PCYT2: variants seen among roughly 807,000 people sequenced by gnomAD.
PCYT2 encodes phosphate cytidylyltransferase 2, ethanolamine, also known as ethanolamine-phosphate cytidylyltransferase.
Under a neutral mutation model 50.0 loss-of-function variants are expected in PCYT2, and 33 were observed. The ratio of observed to expected loss-of-function variants is 0.66; its 90% CI spans 0.50 to 0.88. The LOEUF (loss-of-function observed/expected upper bound fraction) is 0.88, where lower values mean the gene tolerates loss of function less well. PCYT2 is among the 40% of genes least tolerant of loss of function. The pLI is 0.00. For synonymous variants in PCYT2, 240 were observed against 203.7 expected (o/e 1.18, Z -1.52); for missense variants, 430 against 519.7 (o/e 0.83, Z 1.68).
chr17:81,908,766 C>G (rs973852669), intron 3 of PCYT2, 110 bp downstream of exon 3: 6 of 1,348,852 alleles, frequency 4.4e-6, no homozygotes, highest in East Asian at 2.3e-5. Flanking sequence ...CCGGAAATGT[C>G]TCAGATCCTC....
chr17:81,907,589 A>G lies in PCYT2; in HGVS notation c.502T>C (p.Ser168Pro). The G allele has an allele frequency of 6.2e-7, 1 of 1,612,022 alleles. No individual in the cohort carries two copies. Among genetic ancestry groups the G allele is most frequent in the South Asian group, 1.1e-5 (1 of 90,778 alleles). Residue 168 changes from serine to proline, a missense_variant, in exon 6 of 13, where the codon TCT (serine) becomes CCT (proline). Physicochemically the swap from Ser to Pro is moderately conservative, Grantham distance 74 (BLOSUM62 -1). This residue lies in a region of PCYT2 where 248 missense variants were observed against 300.2 expected (regional missense o/e 0.83). Transcript: ENST00000538936. ...KAHHSSQEMS[S>P]EYREYADSFG... ...CTGTCTGCATACTCCCGGTACTCAG[A>G]GGACATCTCCTGCACAGAAGGTCAG...
rs766308325 is a variant in PCYT2, at chr17:81,906,815, C to T, written c.621G>A (p.Lys207=). The change falls in exon 7 of 13, where the codon AAG becomes AAA. Residue 207 remains lysine, a synonymous_variant. Coordinates refer to ENST00000538936, the MANE Select transcript of PCYT2 (RefSeq NM_002861.5). ...TGACTGTCTCCCCTGGCTGGGGCTC[C>T]TTCCCAGAAGCAAACTGGATGATCT... The part of the protein sequence containing the change: ...SQKIIQFASG[K]EPQPGETVIY... The T allele has an allele frequency of 1.9e-6, 3 of 1,613,528 alleles. No individual in the cohort carries two copies. Among genetic ancestry groups the T allele is most frequent in the Non-Finnish European group, 2.5e-6 (3 of 1,179,982 alleles).
rs375092431 is a variant in PCYT2 at position 81,904,992 on chromosome 17, C to T, written c.1059-48G>A. The T allele has an allele frequency of 1.5e-4, 237 of 1,590,404 alleles. 1 individual carries two copies. Among genetic ancestry groups the T allele is most frequent in the Non-Finnish European group, 1.9e-4 (219 of 1,163,904 alleles). On this transcript the variant is annotated intron_variant, in intron 12 of 12. Coordinates refer to ENST00000538936, the MANE Select transcript of PCYT2 (RefSeq NM_002861.5). ...GCAGAGAGCGCCCATGAGGCGGCTC[C>T]GAGGGGGAGGGCACGGTAAGTCTAG...
intron 5 of PCYT2, 38 bp from the exon 6 acceptor site, chr17:81,907,636 C>T: frequency 6.2e-7 from 1 of 1,608,100 alleles, no homozygotes; most frequent in Non-Finnish European, 8.5e-7. Context: ...GGGGCCTGCC[C>T]TCCCGGCGTG....
chr17:81,908,202 G>C (rs574729285), intron 4 of PCYT2, among the ~76,000 whole-genome samples: 1 of 152,320 alleles, frequency 6.6e-6, no homozygotes, highest in East Asian at 1.9e-4. Context: ...CTGCAGCTGA[G>C]TGAATTCTCA....
chr17:81,909,061 C>A, intron 2 of PCYT2, 24 bp from the exon 3 acceptor site: 1 of 1,604,278 alleles, frequency 6.2e-7, no homozygotes, highest in Non-Finnish European at 8.5e-7. Flanking sequence ...AACGGGGAGA[C>A]TGGGGACCCC....
chr17:81,907,299 C>G, intron 6 of PCYT2: 2 of 1,485,542 alleles, frequency 1.3e-6, no homozygotes, highest in Non-Finnish European at 1.8e-6. Context: ...TTAGAGGCCA[C>G]CTGTCCACAG....
At position 81,904,817 on chromosome 17, in the gene PCYT2, C is replaced by T. The variant is rs1268180964; in HGVS notation, c.*16G>A. The T allele has an allele frequency of 1.3e-6, 2 of 1,559,600 alleles. No individual in the cohort carries two copies. Among genetic ancestry groups the T allele is most frequent in the Admixed American group, 3.4e-5 (2 of 58,890 alleles). On this transcript the variant is annotated 3_prime_UTR_variant, in exon 13 of 13. Transcript: ENST00000538936. ...GAAGCAGAGCAGGGGGAGGGCCGGC[C>T]AGGGCCTCTGCCAGGTTAGAAGTCA...
Position 81,905,373 on chromosome 17 carries a change from A to C in PCYT2, c.969+9T>G, listed in dbSNP as rs371508123. On this transcript the variant is annotated intron_variant, in intron 11 of 12. Coordinates refer to ENST00000538936, the MANE Select transcript of PCYT2 (RefSeq NM_002861.5). ...ACCCCTGTGCCCAGCAAGGGCCAGC[A>C]TGACCCACCTGGTATGGGTCGGAGC... The C allele has an allele frequency of 1.4e-5, 21 of 1,553,802 alleles. No homozygotes were observed. The highest frequency in any genetic ancestry group is 1.7e-5 in the Non-Finnish European group (19 of 1,147,900).
Position 81,902,171 on chromosome 17 carries a change from C to T in PCYT2, c.*2662G>A. 2.8e-6 allele frequency: 3 copies of T among 1,074,528 alleles called. No individual in the cohort carries two copies. The African/African-American group carries it at 5.0e-5, about 18-fold the overall frequency. 66.6% of individuals were successfully genotyped at this position (1,074,528 alleles called of 1,614,324 possible). On this transcript the variant is annotated 3_prime_UTR_variant, in exon 13 of 13. Transcript: ENST00000538936. Reference sequence around the variant, plus strand: ...GCACCCCAGCCCGCCCGCCGCCCCTCCCGGCCCTCCGCAGCCTCGGCCCGC... The same window carrying T: ...GCACCCCAGCCCGCCCGCCGCCCCTTCCGGCCCTCCGCAGCCTCGGCCCGC...
At position 81,911,331 on chromosome 17, in the gene PCYT2, C is replaced by A; in HGVS notation, c.25G>T (p.Ala9Ser). The change falls in exon 1 of 13, where the codon GCA (alanine) becomes TCA (serine). Residue 9 changes from alanine (A) to serine (S), a missense_variant. Transcript: ENST00000538936. MIRNGRGA[A>S]GGAEQPGPGG... Reference sequence around the variant, plus strand: ...GGGCCCGGCTGCTCTGCGCCGCCTGCAGCCCCGCGCCCGTTCCGGATCATG... The same window carrying A: ...GGGCCCGGCTGCTCTGCGCCGCCTGAAGCCCCGCGCCCGTTCCGGATCATG... The A allele has an allele frequency of 9.0e-7, 1 of 1,116,784 alleles. No individual in the cohort carries two copies. Among genetic ancestry groups the A allele is most frequent in the Non-Finnish European group, 1.1e-6 (1 of 902,982 alleles). 69.2% of individuals were successfully genotyped at this position (1,116,784 alleles called of 1,614,324 possible).
chr17:81,902,355 C>T lies in PCYT2; in HGVS notation c.*2478G>A. On this transcript the variant is annotated 3_prime_UTR_variant, in exon 13 of 13. Transcript: ENST00000538936. ...TGGCGCCGCCTGGCCTCGCGTGGTA[C>T]AAGCCAGCGGCGGGGCACAGCTCCT... is the stretch of plus-strand genomic sequence containing the variant. 2.2e-6 allele frequency: 3 copies of T among 1,349,092 alleles called. No homozygotes were observed. The highest frequency in any genetic ancestry group is 1.9e-6 in the Non-Finnish European group (2 of 1,060,708). The allele number at this position is 1,349,092 out of a possible 1,614,324, so 83.6% of individuals were successfully genotyped here. A position where few individuals can be genotyped will look rare whatever the true frequency, so the allele number is the denominator to read the frequency against.
intron 2 of PCYT2, chr17:81,909,248 G>A (rs1276896414): frequency 9.1e-6 from 13 of 1,429,780 alleles, no homozygotes; most frequent in Non-Finnish European, 1.2e-5. Context: ...TCCTTCTGAC[G>A]AGCAGGTGCT....
In PCYT2 at chr17:81,907,161, C is replaced by T. The variant is rs756598756; in HGVS notation, c.538-263G>A. 7 of 1,466,916 alleles carry T rather than the reference C, an allele frequency of 4.8e-6. No homozygotes were observed. In the African/African-American group the frequency reaches 9.8e-5, roughly 21 times the overall value. 90.9% of individuals were successfully genotyped at this position (1,466,916 alleles called of 1,614,324 possible). ...GGAGCCCTGTGGCAGGTGCACACAG[C>T]CCTTGGGAGGGACCTGGTACCCTGA... is the stretch of plus-strand genomic sequence containing the variant. On this transcript the variant is annotated intron_variant, in intron 6 of 12. Transcript: ENST00000538936.
rs899992400 is a variant in PCYT2, at chr17:81,902,148, A to C, written c.*2685T>G. On this transcript the variant is annotated 3_prime_UTR_variant, in exon 13 of 13. Coordinates refer to ENST00000538936, the MANE Select transcript of PCYT2 (RefSeq NM_002861.5). ...CGGCTCCTCCGCGCGCGCCCGCTGC[A>C]CCCCAGCCCGCCCGCCGCCCCTCCC... The C allele has an allele frequency of 1.6e-4, 138 of 884,562 alleles. No homozygotes were observed. The highest frequency in any genetic ancestry group is 2.0e-4 in the Non-Finnish European group (137 of 687,378). The allele number at this position is 884,562 out of a possible 1,614,324, so 54.8% of individuals were successfully genotyped here.
chr17:81,905,053 C>CA lies in PCYT2; in HGVS notation c.1058+12dup. ...CCATGAGGCGGCTCCGAGGTGCCCC[C>CA]ACCCAACTGCACCTGTTGGTGATGA... On this transcript the variant is annotated intron_variant, in intron 12 of 12. Coordinates refer to ENST00000538936, the MANE Select transcript of PCYT2 (RefSeq NM_002861.5). 6.2e-7 allele frequency: 1 copy of CA among 1,605,418 alleles called. No homozygotes were observed. The highest frequency in any genetic ancestry group is 8.5e-7 in the Non-Finnish European group (1 of 1,174,066).
At chr17:81,907,430 G>T in intron 6 of PCYT2, 124 bp downstream of exon 6, 1 of 1,235,892 alleles carries the variant, frequency 8.1e-7, no homozygotes, top group Non-Finnish European at 1.1e-6. Flanking sequence ...CCTGGTCAGT[G>T]CCAGGGACAG....
At chr17:81,906,323 A>T (rs1170913146) in intron 8 of PCYT2, 141 bp downstream of exon 8, 4 of 1,095,248 alleles carry the variant, frequency 3.7e-6, no homozygotes, top group Non-Finnish European at 4.0e-6. Flanking sequence ...GGACCCCAGA[A>T]GCCTACGATC....
intron 4 of PCYT2, among the ~76,000 whole-genome samples, 170 bp downstream of exon 4, chr17:81,908,398 C>A (rs1033063271): frequency 3.3e-5 from 5 of 152,254 alleles, no homozygotes; most frequent in African/African-American, 1.2e-4. Context: ...GGCCTCCAGG[C>A]CACCCCACAA....
Sources: allele counts gnomAD v4.1 joint callset (sites outside exome capture counted in the v4.1 genomes callset), GRCh38; gene constraint gnomAD v4.1.1; regional missense constraint gnomAD v4.1.1; transcripts MANE v1.5; gene names NCBI Gene and HGNC (gene_info 2026-07-23, HGNC 2026-07-21).